HARS1: variants seen among roughly 807,000 people sequenced by gnomAD.
HARS1 encodes the protein histidyl-tRNA synthetase 1.
A neutral mutation model predicts 63.6 loss-of-function variants in HARS1; 45 were observed. The observed-to-expected ratio is 0.71, with a 90% CI of 0.56 to 0.91. The LOEUF (loss-of-function observed/expected upper bound fraction) is 0.91. Ranked by LOEUF, HARS1 falls within the 40% of genes least tolerant of loss-of-function variation. The pLI, the probability that HARS1 is intolerant of heterozygous loss-of-function variation, is 0.00. For synonymous variants in HARS1, 205 were observed against 247.1 expected, an observed-to-expected ratio of 0.83 and a Z score of 1.60; for missense variants, 508 against 643.2, an observed-to-expected ratio of 0.79 and a Z score of 2.27.
At chr5:140,690,749 A>C (rs1759360729) in intron 2 of HARS1, 106 bp downstream of exon 2, 1 of 759,576 alleles carries the variant, frequency 1.3e-6, no homozygotes, top group African/African-American at 1.7e-5. Context: ...TCTCCTCTGC[A>C]GCATTTCAGA....
At chr5:140,674,901 C>A in intron 11 of HARS1, 76 bp from the exon 12 acceptor site, 1 of 1,539,990 alleles carries the variant, frequency 6.5e-7, no homozygotes, top group Non-Finnish European at 9.0e-7. Flanking sequence ...AGCTGGCACC[C>A]TGTTCTTAGC....
intron 3 of HARS1, among the ~76,000 whole-genome samples, 159 bp from the exon 4 acceptor site, chr5:140,680,042 C>T (rs917364479): frequency 3.3e-5 from 5 of 152,158 alleles, no homozygotes; most frequent in African/African-American, 1.2e-4. Context: ...AAAGGAAACA[C>T]CAATTTTGTG....
intron 2 of HARS1, chr5:140,684,514 C>G: frequency 1.7e-6 from 1 of 601,326 alleles, no homozygotes; most frequent in Non-Finnish European, 2.1e-6. Context: ...ATGACATAGG[C>G]TAGGCAGATA....
intron 2 of HARS1, chr5:140,684,045 T>C (rs1421486424): frequency 6.7e-6 from 1 of 149,994 alleles, no homozygotes; most frequent in African/African-American, 2.5e-5. Flanking sequence ...ATGCCAGCAC[T>C]TGGGGAGGCC....
Position 140,691,350 on chromosome 5 carries a change from T to G in HARS1, c.-46A>C. 6.9e-7 allele frequency: 1 copy of G among 1,441,924 alleles called. No individual in the cohort carries two copies. 89.3% of individuals were successfully genotyped at this position (1,441,924 alleles called of 1,614,324 possible). On this transcript the variant is annotated 5_prime_UTR_variant, in exon 1 of 13. Transcript: ENST00000504156. ...GCCTGCTGTCTCGACCTGCGGTGGT[T>G]GCCCCAGCCTCAGCAAGGATGACTT...
Position 140,676,853 on chromosome 5 carries a change from G to C in HARS1, c.995C>G (p.Thr332Ser). ...CAGCACTGCCTCATAGATCACCCCA[G>C]TGTAGTAATCCAGCCCTCGAGCAAG... ...LSLARGLDYY[T>S]GVIYEAVLLQ... Residue 332 changes from threonine to serine, a missense_variant, in exon 10 of 13, where the codon ACT becomes AGT. Coordinates refer to ENST00000504156, the MANE Select transcript of HARS1 (RefSeq NM_002109.6). The surrounding 1 kb of genome is among the most constrained non-coding windows in gnomAD (Gnocchi z 4.1). The C allele has an allele frequency of 6.2e-7, 1 of 1,614,200 alleles. No homozygotes were observed. The highest frequency in any genetic ancestry group is 1.1e-5 in the South Asian group (1 of 91,090).
chr5:140,677,325 A>G lies in HARS1; in HGVS notation c.823+2T>C. On this transcript the variant is annotated splice_donor_variant, in intron 8 of 12. Transcript: ENST00000504156. LOFTEE classifies it high-confidence loss of function. Reference sequence around the variant, plus strand: ...CTGGGGAGGCTTGGTTCTGTTCCTCACCATGTTGCTGGACATAGTCCCCAA... The same window carrying G: ...CTGGGGAGGCTTGGTTCTGTTCCTCGCCATGTTGCTGGACATAGTCCCCAA... 3 of 1,604,574 alleles carry G rather than the reference A, an allele frequency of 1.9e-6. No homozygotes were observed. Among genetic ancestry groups the G allele is most frequent in the Non-Finnish European group, 2.6e-6 (3 of 1,171,594 alleles).
Position 140,675,122 on chromosome 5 carries a change from C to G in HARS1, c.1206G>C (p.Glu402Asp), listed in dbSNP as rs1341168705. ...IVEQRLEALE[E>D]KIRTTETQVL... ...CCTGTGTCTCCGTGGTCCGTATCTT[C>G]TCCTCCAAAGCCTGGGGAAGGGGCA... Residue 402 changes from glutamate (E) to aspartate (D), a missense_variant, in exon 11 of 13, where the codon GAG (glutamate) becomes GAC (aspartate). Transcript: ENST00000504156. 1.2e-6 allele frequency: 2 copies of G among 1,607,446 alleles called. No individual in the cohort carries two copies. The highest frequency in any genetic ancestry group is 1.7e-6 in the Non-Finnish European group (2 of 1,174,188).
chr5:140,675,104 C>T lies in HARS1; in HGVS notation c.1224G>A (p.Glu408=). ...EALEEKIRTT[E]TQVLVASAQK... ...GTGCAGATGCCACAAGCACCTGTGT[C>T]TCCGTGGTCCGTATCTTCTCCTCCA... The change falls in exon 11 of 13, where the codon GAG becomes GAA. Residue 408 remains glutamate, a synonymous_variant. Transcript: ENST00000504156. 1 of 1,612,542 alleles carries T rather than the reference C, an allele frequency of 6.2e-7. No homozygotes were observed. Among genetic ancestry groups the T allele is most frequent in the Admixed American group, 1.7e-5 (1 of 60,016 alleles).
At position 140,676,852 on chromosome 5, in the gene HARS1, A is replaced by C. The variant is rs764730067; in HGVS notation, c.996T>G (p.Thr332=). ...LSLARGLDYY[T]GVIYEAVLLQ... is the part of the protein sequence containing the mutation. The stretch of plus-strand genomic sequence containing the variant: ...GCAGCACTGCCTCATAGATCACCCC[A>C]GTGTAGTAATCCAGCCCTCGAGCAA... The change falls in exon 10 of 13, where the codon ACT becomes ACG. Residue 332 remains threonine, a synonymous_variant. Transcript: ENST00000504156. The surrounding 1 kb of genome is among the most constrained non-coding windows in gnomAD (Gnocchi z 4.1). The C allele has an allele frequency of 6.2e-6, 10 of 1,614,048 alleles. No individual in the cohort carries two copies. In the African/African-American group the frequency reaches 1.3e-4, roughly 22 times the overall value.
Position 140,673,937 on chromosome 5 carries a change from C to CA in HARS1, c.*319dup, listed in dbSNP as rs1316695258. On this transcript the variant is annotated 3_prime_UTR_variant, in exon 13 of 13. Transcript: ENST00000504156. ...TTGAGGCATTTTATTGGACCTTTGGCAATTGGTGGTGGGGAGGCATCTGCT... is the reference window on the plus strand; with the variant it reads ...TTGAGGCATTTTATTGGACCTTTGGCAAATTGGTGGTGGGGAGGCATCTGCT... 3.6e-6 allele frequency: 2 copies of CA among 559,010 alleles called. No homozygotes were observed. The highest frequency in any genetic ancestry group is 6.4e-6 in the Non-Finnish European group (2 of 312,688). The allele number at this position is 559,010 out of a possible 1,614,324, so 34.6% of individuals were successfully genotyped here.
chr5:140,677,321 C>T lies in HARS1; in HGVS notation c.823+6G>A. ...GCTGCTGGGGAGGCTTGGTTCTGTTCCTCACCATGTTGCTGGACATAGTCC... is the reference window on the plus strand; with the variant it reads ...GCTGCTGGGGAGGCTTGGTTCTGTTTCTCACCATGTTGCTGGACATAGTCC... On this transcript the variant is annotated splice_donor_region_variant and intron_variant, in intron 8 of 12. Transcript: ENST00000504156. The T allele has an allele frequency of 6.2e-7, 1 of 1,604,168 alleles. No homozygotes were observed. The highest frequency in any genetic ancestry group is 1.3e-5 in the African/African-American group (1 of 74,828).
chr5:140,678,942 T>G, intron 5 of HARS1, 60 bp downstream of exon 5: 1 of 1,576,868 alleles, frequency 6.3e-7, no homozygotes, highest in Non-Finnish European at 8.7e-7. Context: ...CTCAATAGAT[T>G]CTGCTGGCTT....
rs1334974381 is a variant in HARS1, at chr5:140,677,763, A to G, written c.631-10T>C. The G allele has an allele frequency of 4.4e-6, 7 of 1,574,744 alleles. No individual in the cohort carries two copies. The Admixed American group carries it at 1.2e-4, about 26-fold the overall frequency. On this transcript the variant is annotated splice_polypyrimidine_tract_variant and intron_variant, in intron 6 of 12. Transcript: ENST00000504156. ...TGCGTCGATCGTTTACCTGCAAGGA[A>G]CCAATGCATAGTGAGGGGGGAATCT... is the stretch of plus-strand genomic sequence containing the variant.
chr5:140,688,523 C>G (rs702396), intron 2 of HARS1, among the ~76,000 whole-genome samples: 31,995 of 152,036 alleles, frequency 0.21, 3,392 homozygotes, highest in African/African-American at 0.22. Context: ...ACTAACAAAA[C>G]TAACAGCAAC....
intron 3 of HARS1, among the ~76,000 whole-genome samples, 194 bp from the exon 4 acceptor site, chr5:140,680,077 CAG>C (rs1469363305): frequency 3.3e-5 from 5 of 151,922 alleles, no homozygotes; most frequent in Admixed American, 3.3e-4. Context: ...GATTTTGTAA[CAG>C]AGCTGAAGTA....
rs1363518777 is a variant in HARS1 at position 140,673,966 on chromosome 5, A to G, written c.*291T>C. The G allele has an allele frequency of 1.8e-6, 1 of 567,606 alleles. No homozygotes were observed. Among genetic ancestry groups the G allele is most frequent in the African/African-American group, 1.9e-5 (1 of 53,198 alleles). The allele number at this position is 567,606 out of a possible 1,614,324, so 35.2% of individuals were successfully genotyped here. ...TGGTGGTGGGGAGGCATCTGCTCCAACTGGTGCGGGGCCCTGCAGATGGGA... is the reference window on the plus strand; with the variant it reads ...TGGTGGTGGGGAGGCATCTGCTCCAGCTGGTGCGGGGCCCTGCAGATGGGA... On this transcript the variant is annotated 3_prime_UTR_variant, in exon 13 of 13. Transcript: ENST00000504156.
intron 5 of HARS1, 95 bp downstream of exon 5, chr5:140,678,907 C>A: frequency 7.9e-7 from 1 of 1,266,184 alleles, no homozygotes; most frequent in Non-Finnish European, 1.1e-6. Context: ...CTGGGTCATC[C>A]AATTTGCTCA....
intron 3 of HARS1, among the ~76,000 whole-genome samples, chr5:140,681,513 G>GAAA (rs1375074371): frequency 6.6e-6 from 1 of 152,044 alleles, no homozygotes; most frequent in Non-Finnish European, 1.5e-5. Context: ...ACTAAAAATA[G>GAAA]AAAAATTAGC....
Sources: gnomAD v4.1 joint callset for allele counts (sites outside exome capture counted in the v4.1 genomes callset) on GRCh38, gnomAD v4.1.1 for gene constraint, Gnocchi (gnomAD v3.1) non-coding constraint, MANE v1.5 for transcripts, NCBI Gene and HGNC (gene_info 2026-07-23, HGNC 2026-07-21) for gene names.